The following MTOR variants were observed in gnomAD, a reference collection of about 807,000 sequenced individuals.
MTOR encodes mechanistic target of rapamycin kinase.
In MTOR, 70 loss-of-function variants were observed where a neutral mutation model predicts 319.8. The observed-to-expected ratio is 0.22, with a 90% CI of 0.18 to 0.27. The LOEUF (loss-of-function observed/expected upper bound fraction) is 0.27. Ranked by LOEUF, MTOR falls within the 10% of genes least tolerant of loss-of-function variation. The pLI is 1.00. For missense variants in MTOR, 1,890 were observed against 3,274.4 expected (o/e 0.58, Z 10.32); for synonymous variants, 1,183 against 1,211.4 (o/e 0.98, Z 0.49).
rs1413476926 is a variant in MTOR, at chr1:11,212,046, A to C, written c.3561+266T>G. On this transcript the variant is annotated intron_variant, in intron 23 of 57. Coordinates refer to ENST00000361445, the MANE Select transcript of MTOR (RefSeq NM_004958.4). This position sits in a 1 kb window ranked among gnomAD's most constrained non-coding sequence, Gnocchi z 4.1. ...CTTCAACCCATCACTCTTAAGAAAC[A>C]AACTGTTTATTTGCTTTGCTTCATC... Among the ~76,000 whole-genome samples the C allele has an allele frequency of 6.6e-6, 1 of 152,102 alleles. No individual in the cohort carries two copies. The highest frequency in any genetic ancestry group is 1.5e-5 in the Non-Finnish European group (1 of 68,026).
rs146103936 is a variant in MTOR, at chr1:11,189,935, C to T, written c.4253+9323G>A. 7.9e-5 allele frequency: 128 copies of T among 1,611,864 alleles called. No homozygotes were observed. In the African/African-American group the frequency reaches 1.5e-3, roughly 19 times the overall value. ...ATCATGCAGCTGCAGGCAGCACAGA[C>T]GGTCACTCAGACCTCCGCAGGTAAG... On this transcript the variant is annotated intron_variant, in intron 28 of 57. Transcript: ENST00000361445.
intron 31 of MTOR, among the ~76,000 whole-genome samples, chr1:11,148,684 G>A (rs1644028704): frequency 6.6e-6 from 1 of 151,972 alleles, no homozygotes; most frequent in South Asian, 2.1e-4. Context: ...GATGGATCAC[G>A]AGATCAGGAG....
At chr1:11,174,084 C>T (rs750314093) in intron 28 of MTOR, among the ~76,000 whole-genome samples, 9 of 152,130 alleles carry the variant, frequency 5.9e-5, no homozygotes, top group Non-Finnish European at 1.3e-4. Context: ...TATTGCCTTC[C>T]CTTAAAAGGT....
At chr1:11,240,705 G>C (rs1276792828) in intron 10 of MTOR, among the ~76,000 whole-genome samples, 158 bp from the exon 11 acceptor site, 1 of 152,296 alleles carries the variant, frequency 6.6e-6, no homozygotes, top group African/African-American at 2.4e-5. Context: ...AACTCTCTTG[G>C]CTTAGTCTCA....
intron 28 of MTOR, chr1:11,194,444 T>TCTGCTC: frequency 6.2e-7 from 1 of 1,613,196 alleles, no homozygotes; most frequent in Non-Finnish European, 8.5e-7. Context: ...TCTTTAAGGC[T>TCTGCTC]CTGCTCCTCC....
chr1:11,175,676 G>A (rs931870593), intron 28 of MTOR, among the ~76,000 whole-genome samples: 2 of 152,096 alleles, frequency 1.3e-5, no homozygotes. Context: ...AGTGACGGTA[G>A]AGCAGCTCAC....
At chr1:11,204,509 A>G in intron 26 of MTOR, 52 bp downstream of exon 26, 1 of 1,559,480 alleles carries the variant, frequency 6.4e-7, no homozygotes, top group Non-Finnish European at 8.7e-7. Context: ...ACTAATTTGT[A>G]TATATCGTTT....
At position 11,129,035 on chromosome 1, in the gene MTOR, G is replaced by A; in HGVS notation, c.5715-84C>T. ...TTTTCATCTCTAAGGCTCCTGAGAA[G>A]AGAGCTGGCAGGGACTCCAACCAGT... On this transcript the variant is annotated intron_variant, in intron 40 of 57. Coordinates refer to ENST00000361445, the MANE Select transcript of MTOR (RefSeq NM_004958.4). The surrounding 1 kb of genome is among the most constrained non-coding windows in gnomAD (Gnocchi z 4.7). 8.5e-7 allele frequency: 1 copy of A among 1,175,982 alleles called. No homozygotes were observed. The highest frequency in any genetic ancestry group is 1.2e-6 in the Non-Finnish European group (1 of 809,698). The allele number at this position is 1,175,982 out of a possible 1,614,324, so 72.8% of individuals were successfully genotyped here. A position where few individuals can be genotyped will look rare whatever the true frequency, so the allele number is the denominator to read the frequency against.
intron 28 of MTOR, among the ~76,000 whole-genome samples, chr1:11,168,422 C>T (rs1644714201): frequency 6.6e-6 from 1 of 152,156 alleles, no homozygotes; most frequent in Non-Finnish European, 1.5e-5. Context: ...AACCATCAGA[C>T]TCTGTGAGTG....
At position 11,212,623 on chromosome 1, in the gene MTOR, C is replaced by G. The variant is rs1339015355; in HGVS notation, c.3399-149G>C. 6 of 1,131,044 alleles carry G rather than the reference C, an allele frequency of 5.3e-6. No homozygotes were observed. Among genetic ancestry groups the G allele is most frequent in the Non-Finnish European group, 7.6e-6 (6 of 793,198 alleles). 70.1% of individuals were successfully genotyped at this position (1,131,044 alleles called of 1,614,324 possible). A position where few individuals can be genotyped will look rare whatever the true frequency, so the allele number is the denominator to read the frequency against. On this transcript the variant is annotated intron_variant, in intron 22 of 57. Transcript: ENST00000361445. The surrounding 1 kb of genome is among the most constrained non-coding windows in gnomAD (Gnocchi z 4.1). ...GATGACATGGATCCAACATTTATTCCAATGGGATAGGGACAGTTAAGATTT... is the reference window on the plus strand; with the variant it reads ...GATGACATGGATCCAACATTTATTCGAATGGGATAGGGACAGTTAAGATTT...
chr1:11,260,219 A>G (rs561851820), intron 1 of MTOR, among the ~76,000 whole-genome samples: 8 of 152,324 alleles, frequency 5.3e-5, no homozygotes, highest in Non-Finnish European at 1.2e-4. Context: ...GTCTAAAAAG[A>G]GAGATTATTA....
chr1:11,259,391 C>G lies in MTOR; in HGVS notation c.19G>C (p.Ala7Pro), dbSNP rs2100986680. MLGTGP[A>P]AATTAATTSS... is the part of the protein sequence containing the mutation. ...GTGGTGGCAGCGGTGGTGGCGGCGG[C>G]AGGTCCGGTTCCAAGCATCTTGCCC... The change falls in exon 2 of 58, where the codon GCC (alanine) becomes CCC (proline). Residue 7 changes from alanine (A) to proline (P), a missense_variant. Ala to Pro is a conservative substitution (Grantham distance 27). Transcript: ENST00000361445. The G allele has an allele frequency of 6.3e-7, 1 of 1,586,582 alleles. No homozygotes were observed.
intron 34 of MTOR, among the ~76,000 whole-genome samples, chr1:11,143,611 T>C (rs887358863): frequency 6.6e-6 from 1 of 152,218 alleles, no homozygotes; most frequent in African/African-American, 2.4e-5. Flanking sequence ...CCTTTGCCCA[T>C]TGCTCTTTCC....
chr1:11,122,498 C>A (rs1420403430), intron 47 of MTOR, among the ~76,000 whole-genome samples: 1 of 146,608 alleles, frequency 6.8e-6, no homozygotes, highest in African/African-American at 2.6e-5. Flanking sequence ...CTGCACCCAG[C>A]CCTATTTTTT....
At chr1:11,174,678 A>T (rs1644927564) in intron 28 of MTOR, among the ~76,000 whole-genome samples, 1 of 152,196 alleles carries the variant, frequency 6.6e-6, no homozygotes, top group African/African-American at 2.4e-5. Context: ...GAAGGCAGAG[A>T]CTGTATGTTC....
intron 36 of MTOR, among the ~76,000 whole-genome samples, chr1:11,136,251 T>C (rs538905010): frequency 6.6e-6 from 1 of 152,340 alleles, no homozygotes; most frequent in Admixed American, 6.5e-5. Context: ...AAGGAATTAA[T>C]TGGCATGAAG....
intron 38 of MTOR, chr1:11,131,241 G>A (rs1030387631): frequency 5.4e-6 from 1 of 185,214 alleles, no homozygotes; most frequent in Admixed American, 5.4e-5. Context: ...TGGCAAGGGG[G>A]AAGAATAAGG....
intron 30 of MTOR, among the ~76,000 whole-genome samples, chr1:11,151,937 G>A (rs1027230884): frequency 6.6e-6 from 1 of 152,152 alleles, no homozygotes; most frequent in Non-Finnish European, 1.5e-5. Flanking sequence ...TCTAGAGCAG[G>A]AAGCAAGTTC....
intron 31 of MTOR, 57 bp downstream of exon 31, chr1:11,150,069 G>A (rs1210084901): frequency 1.5e-5 from 23 of 1,495,712 alleles, no homozygotes; most frequent in Middle Eastern, 2.2e-4. Context: ...CTTCTGATGC[G>A]AGCCCCTAGC....
Sources: gnomAD v4.1 joint callset for allele counts (sites outside exome capture counted in the v4.1 genomes callset) on GRCh38, gnomAD v4.1.1 for gene constraint, Gnocchi (gnomAD v3.1) non-coding constraint, MANE v1.5 for transcripts, NCBI Gene and HGNC (gene_info 2026-07-23, HGNC 2026-07-21) for gene names.